DNAH9: variants seen among roughly 807,000 people sequenced by gnomAD.
DNAH9 encodes the protein DNAH9 variant protein.
DNAH9 carries 345 observed loss-of-function variants against 471.6 expected under a neutral mutation model. That is an observed-to-expected ratio of 0.73 (90% CI 0.67 to 0.80). The LOEUF (loss-of-function observed/expected upper bound fraction) is 0.80, where lower values mean the gene tolerates loss of function less well. DNAH9 is among the 30% of genes least tolerant of loss of function. The probability of loss-of-function intolerance (pLI) is 0.00; values close to 1 mark genes in which losing one functional copy is unlikely to be tolerated. For synonymous variants in DNAH9, 2,093 were observed against 2,123.6 expected (o/e 0.99, Z 0.40); for missense variants, 5,407 against 5,609.2 (o/e 0.96, Z 1.15).
At chr17:11,948,390 G>A (rs1046314682) in intron 67 of DNAH9, among the ~76,000 whole-genome samples, 5 of 151,802 alleles carry the variant, frequency 3.3e-5, no homozygotes, top group African/African-American at 1.2e-4. Context: ...CACCGTGCCC[G>A]GCTAATTTTT....
At chr17:11,841,738 A>G (rs2150959438) in intron 49 of DNAH9, among the ~76,000 whole-genome samples, 2 of 152,176 alleles carry the variant, frequency 1.3e-5, no homozygotes, top group African/African-American at 4.8e-5. Context: ...TGAGGGAAGT[A>G]TGTAGCTTTT....
chr17:11,681,476 T>C (rs2074131785), intron 19 of DNAH9, among the ~76,000 whole-genome samples: 1 of 152,178 alleles, frequency 6.6e-6, no homozygotes, highest in South Asian at 2.1e-4. Flanking sequence ...CCTCCCGTGG[T>C]GAAGCGGTCT....
intron 8 of DNAH9, 112 bp downstream of exon 8, chr17:11,632,815 C>T: frequency 1.8e-6 from 1 of 566,530 alleles, no homozygotes; most frequent in Admixed American, 2.5e-5. Flanking sequence ...ATTAATTATT[C>T]TTATTAATCT....
At chr17:11,734,254 C>T (rs530458499) in intron 28 of DNAH9, among the ~76,000 whole-genome samples, 78 of 152,292 alleles carry the variant, frequency 5.1e-4, no homozygotes, top group Non-Finnish European at 1.0e-3. Flanking sequence ...GTGATTACTA[C>T]GCACAATAAA....
At chr17:11,792,358 T>A (rs1044074302) in intron 41 of DNAH9, among the ~76,000 whole-genome samples, 1 of 152,192 alleles carries the variant, frequency 6.6e-6, no homozygotes, top group Non-Finnish European at 1.5e-5. Flanking sequence ...ATCTGCACAT[T>A]ATTCTATGAA....
At chr17:11,843,957 G>A (rs1416540799) in intron 49 of DNAH9, among the ~76,000 whole-genome samples, 1 of 145,428 alleles carries the variant, frequency 6.9e-6, no homozygotes, top group Non-Finnish European at 1.5e-5. Flanking sequence ...ATCACACCAG[G>A]ACATAATGTT....
chr17:11,759,799 G>GC (rs1967588325), intron 35 of DNAH9, among the ~76,000 whole-genome samples: 1 of 151,184 alleles, frequency 6.6e-6, no homozygotes, highest in Non-Finnish European at 1.5e-5. Flanking sequence ...CTATTCTCCT[G>GC]CCTCAGCCTG....
Position 11,747,590 on chromosome 17 carries a change from ACT to A in DNAH9, c.6437_6438del (p.Ser2146CysfsTer33). ...CTGGAGGAGCTCCTGGCTGTGCGGC[ACT>A]CTGTATTTGTGGTGGGTGGCGCTGG... is the stretch of plus-strand genomic sequence containing the variant. On this transcript the variant is annotated frameshift_variant, in exon 32 of 69. Coordinates refer to ENST00000262442, the MANE Select transcript of DNAH9 (RefSeq NM_001372.4). LOFTEE classifies it high-confidence loss of function. 1 of 1,613,860 alleles carries A rather than the reference ACT, an allele frequency of 6.2e-7. No homozygotes were observed. Among genetic ancestry groups the A allele is most frequent in the Non-Finnish European group, 8.5e-7 (1 of 1,179,996 alleles).
At chr17:11,889,876 T>C (rs891665564) in intron 57 of DNAH9, among the ~76,000 whole-genome samples, 2 of 152,134 alleles carry the variant, frequency 1.3e-5, no homozygotes, top group Non-Finnish European at 2.9e-5. Context: ...TAAGACCCCA[T>C]GGGCAGGAGA....
At chr17:11,939,236 G>A (rs1159233504) in intron 66 of DNAH9, among the ~76,000 whole-genome samples, 1 of 152,060 alleles carries the variant, frequency 6.6e-6, no homozygotes. Context: ...TGTATAATTT[G>A]AAAATAAAGA....
rs200659309 is a variant in DNAH9, at chr17:11,929,992, A to G, written c.12004A>G (p.Ile4002Val). ...AEPAPSPEGH[I>V]IPQGILENSI... ...GCCAGCACCCTCCCCTGAGGGCCAC[A>G]TCATCCCCCAGGGCATCCTGGAGAA... Residue 4002 changes from isoleucine to valine, a missense_variant, in exon 63 of 69, where the codon ATC becomes GTC. Transcript: ENST00000262442. 86 of 1,614,108 alleles carry G rather than the reference A, an allele frequency of 5.3e-5. No individual in the cohort carries two copies. The Admixed American group carries it at 1.2e-3, about 22-fold the overall frequency.
intron 29 of DNAH9, 109 bp from the exon 30 acceptor site, chr17:11,742,066 C>A: frequency 2.1e-6 from 2 of 963,532 alleles, no homozygotes; most frequent in Non-Finnish European, 3.2e-6. Flanking sequence ...AGTTTTTGCA[C>A]TCACAGATGC....
intron 27 of DNAH9, among the ~76,000 whole-genome samples, chr17:11,726,502 A>G (rs567801307): frequency 6.6e-6 from 1 of 152,288 alleles, no homozygotes; most frequent in East Asian, 1.9e-4. Context: ...CCGCGGAATA[A>G]ACTTTGTGAA....
intron 48 of DNAH9, among the ~76,000 whole-genome samples, chr17:11,831,574 A>G (rs1362176639): frequency 1.3e-5 from 2 of 152,114 alleles, no homozygotes; most frequent in Non-Finnish European, 2.9e-5. Flanking sequence ...TCCAGCCCTC[A>G]GTGTAGTATT....
chr17:11,739,101 A>G, intron 29 of DNAH9, 64 bp downstream of exon 29: 4 of 1,457,082 alleles, frequency 2.7e-6, no homozygotes, highest in Middle Eastern at 3.6e-4. Flanking sequence ...TTTTCCACTT[A>G]AAATGTGTGA....
In DNAH9 at chr17:11,626,470, C is replaced by G. The variant is rs1423258811; in HGVS notation, c.1351-2947C>G. ...ATCTTTTCTGCTATGCCTCCAACAT[C>G]AAACTTATTAAAACCCCTTCAGCGA... On this transcript the variant is annotated intron_variant, in intron 6 of 68. Coordinates refer to ENST00000262442, the MANE Select transcript of DNAH9 (RefSeq NM_001372.4). The surrounding 1 kb of genome is among the most constrained non-coding windows in gnomAD (Gnocchi z 4.3). Among the ~76,000 whole-genome samples, 1 of 152,196 alleles carries G rather than the reference C, an allele frequency of 6.6e-6. No individual in the cohort carries two copies. Among genetic ancestry groups the G allele is most frequent in the Non-Finnish European group, 1.5e-5 (1 of 68,036 alleles).
chr17:11,943,699 T>C (rs1975019522), intron 67 of DNAH9, among the ~76,000 whole-genome samples: 1 of 151,882 alleles, frequency 6.6e-6, no homozygotes, highest in Middle Eastern at 3.2e-3. Context: ...AACAAAAAAA[T>C]CAAGGTTAGG....
At chr17:11,907,874 T>C (rs1014521821) in intron 61 of DNAH9, among the ~76,000 whole-genome samples, 1 of 152,224 alleles carries the variant, frequency 6.6e-6, no homozygotes, top group Non-Finnish European at 1.5e-5. Context: ...TTTAGTTCCT[T>C]TGAGAATTAC....
rs765335893 is a variant in DNAH9, at chr17:11,923,921, G to T, written c.11857G>T (p.Gly3953Cys). 5 of 1,613,916 alleles carry T rather than the reference G, an allele frequency of 3.1e-6. No individual in the cohort carries two copies. Among genetic ancestry groups the T allele is most frequent in the Non-Finnish European group, 4.2e-6 (5 of 1,179,910 alleles). ...EAALDLAAKKGHWVILQNIHL... is the reference protein window; with the variant it reads ...EAALDLAAKKCHWVILQNIHL... ...TGCGCTGGACCTCGCTGCCAAGAAAGGTCACTGGGTTATTTTGCAGGTATG... is the reference window on the plus strand; with the variant it reads ...TGCGCTGGACCTCGCTGCCAAGAAATGTCACTGGGTTATTTTGCAGGTATG... Residue 3953 changes from glycine to cysteine, a missense_variant, in exon 62 of 69, where the codon GGT becomes TGT. By Grantham distance (159) the Gly-to-Cys change is radical (BLOSUM62 -3). Coordinates refer to ENST00000262442, the MANE Select transcript of DNAH9 (RefSeq NM_001372.4).
Sources: gnomAD v4.1 joint callset for allele counts (sites outside exome capture counted in the v4.1 genomes callset) on GRCh38, gnomAD v4.1.1 for gene constraint, Gnocchi (gnomAD v3.1) non-coding constraint, MANE v1.5 for transcripts, NCBI Gene and HGNC (gene_info 2026-07-23, HGNC 2026-07-21) for gene names.